The following GRAP2 variants were observed in gnomAD, a reference collection of about 807,000 sequenced individuals.
GRAP2 encodes the protein GRB2 related adaptor protein 2.
GRAP2 carries 31 observed loss-of-function variants against 43.5 expected under a neutral mutation model. The ratio of observed to expected loss-of-function variants is 0.71; its 90% CI spans 0.54 to 0.96. GRAP2 has a LOEUF of 0.96. Ranked by LOEUF, GRAP2 falls within the 40% of genes least tolerant of loss-of-function variation. The probability of loss-of-function intolerance (pLI) is 0.00; values close to 1 mark genes in which losing one functional copy is unlikely to be tolerated. For missense variants in GRAP2, 371 were observed against 424.4 expected, an observed-to-expected ratio of 0.87 and a Z score of 1.11; for synonymous variants, 156 against 164.8, an observed-to-expected ratio of 0.95 and a Z score of 0.41.
intron 3 of GRAP2, among the ~76,000 whole-genome samples, chr22:39,957,077 T>C (rs986454043): frequency 6.6e-6 from 1 of 152,194 alleles, no homozygotes; most frequent in Non-Finnish European, 1.5e-5. Context: ...GCTTCGTTTG[T>C]CTCAAGAATT....
At chr22:39,951,811 TA>T (rs1157967328) in intron 2 of GRAP2, among the ~76,000 whole-genome samples, 1 of 151,398 alleles carries the variant, frequency 6.6e-6, no homozygotes, top group Non-Finnish European at 1.5e-5. Context: ...GAATTTTTTT[TA>T]AAAAAAAACC....
rs767859717 is a variant in GRAP2 at position 39,955,957 on chromosome 22, T to C, written c.170+47T>C. ...AGATGGGCCTAGCCACACACACTCC[T>C]CTTACATTTCCAGCAGTCACTACAG... is the stretch of plus-strand genomic sequence containing the variant. On this transcript the variant is annotated intron_variant, in intron 3 of 7. Transcript: ENST00000344138. 62 of 874,888 alleles carry C rather than the reference T, an allele frequency of 7.1e-5. 1 individual carries two copies. The highest frequency in any genetic ancestry group is 1.2e-4 in the Non-Finnish European group (60 of 506,346). The allele number at this position is 874,888 out of a possible 1,614,324, so 54.2% of individuals were successfully genotyped here.
In GRAP2 at chr22:39,968,065, C is replaced by T. The variant is rs777953467; in HGVS notation, c.483C>T (p.Asp161=). The part of the protein sequence containing the change: ...EDQGHRGNSL[D]RRSQGGPHLS... ...AGGGTCACCGGGGCAACAGCCTGGA[C>T]CGGAGGTCCCAGGGAGGCCCACACC... Residue 161 remains aspartate (D), a synonymous_variant, in exon 6 of 8, where the codon GAC becomes GAT. Transcript: ENST00000344138. 1.2e-6 allele frequency: 2 copies of T among 1,612,588 alleles called. No homozygotes were observed. Among genetic ancestry groups the T allele is most frequent in the African/African-American group, 2.7e-5 (2 of 74,890 alleles).
At chr22:39,924,878 C>T (rs537000491) in intron 1 of GRAP2, among the ~76,000 whole-genome samples, 69 of 152,308 alleles carry the variant, frequency 4.5e-4, no homozygotes, top group South Asian at 1.7e-3. Flanking sequence ...AGTTAATAGT[C>T]ACCAATGAAC....
rs779409642 is a variant in GRAP2 at position 39,968,179 on chromosome 22, G to A, written c.597G>A (p.Gln199=). The change falls in exon 6 of 8, where the codon CAG becomes CAA. Residue 199 remains glutamine (Q), a synonymous_variant. Transcript: ENST00000344138. The stretch of plus-strand genomic sequence containing the variant: ...CGACCCTTCCCCTGCAGCAGCACCA[G>A]CACCAGCCACAGCCTCCGCAATATG... ...HPPTLPLQQH[Q]HQPQPPQYAP... The A allele has an allele frequency of 5.6e-6, 9 of 1,610,112 alleles. No homozygotes were observed. Among genetic ancestry groups the A allele is most frequent in the South Asian group, 1.1e-5 (1 of 90,716 alleles).
At position 39,960,178 on chromosome 22, in the gene GRAP2, C is replaced by T. The variant is rs1358117685; in HGVS notation, c.290+4C>T. The stretch of plus-strand genomic sequence containing the variant: ...GGGACTTCTCCATCTCTGTCAGGTA[C>T]TGACCATTCCTGACACTGCCTTGGC... On this transcript the variant is annotated splice_donor_region_variant and intron_variant, in intron 4 of 7. Coordinates refer to ENST00000344138, the MANE Select transcript of GRAP2 (RefSeq NM_004810.4). The T allele has an allele frequency of 1.9e-6, 3 of 1,612,448 alleles. No homozygotes were observed. The Admixed American group carries it at 5.0e-5, about 27-fold the overall frequency.
At position 39,970,991 on chromosome 22, in the gene GRAP2, C is replaced by T; in HGVS notation, c.900C>T (p.Val300=). ...LGFHSGEVVE[V]LDSSNPSWWT... ...TCCACAGCGGGGAGGTGGTGGAGGT[C>T]CTGGATAGCTCCAACCCATCCTGGT... Residue 300 remains valine (V), a synonymous_variant, in exon 8 of 8, where the codon GTC becomes GTT. Transcript: ENST00000344138. 10 of 1,613,568 alleles carry T rather than the reference C, an allele frequency of 6.2e-6. No homozygotes were observed. Among genetic ancestry groups the T allele is most frequent in the Non-Finnish European group, 8.5e-6 (10 of 1,179,702 alleles).
intron 2 of GRAP2, among the ~76,000 whole-genome samples, chr22:39,953,767 C>A (rs190653928): frequency 6.6e-6 from 1 of 152,154 alleles, no homozygotes; most frequent in African/African-American, 2.4e-5. Flanking sequence ...GCTTCCACCA[C>A]GCCTTGCTAA....
chr22:39,971,308 C>T lies in GRAP2; in HGVS notation c.*224C>T, dbSNP rs1357987360. On this transcript the variant is annotated 3_prime_UTR_variant, in exon 8 of 8. Coordinates refer to ENST00000344138, the MANE Select transcript of GRAP2 (RefSeq NM_004810.4). Reference sequence around the variant, plus strand: ...ATATTGACACTTGCTTTTCTGCCCCCCTCAGGGGTGTGTGGAAGGCAGTGG... The same window carrying T: ...ATATTGACACTTGCTTTTCTGCCCCTCTCAGGGGTGTGTGGAAGGCAGTGG... 1 of 514,708 alleles carries T rather than the reference C, an allele frequency of 1.9e-6. No homozygotes were observed. The highest frequency in any genetic ancestry group is 3.5e-5 in the East Asian group (1 of 28,414). The allele number at this position is 514,708 out of a possible 1,614,324, so 31.9% of individuals were successfully genotyped here.
At chr22:39,897,512 C>A (rs1268975015), upstream of GRAP2, among the ~76,000 whole-genome samples, 1 of 150,096 alleles carries the variant, frequency 6.7e-6, no homozygotes, top group Non-Finnish European at 1.5e-5. Flanking sequence ...ATGAAAGTAG[C>A]CTCTTTTTTT....
chr22:39,964,585 TA>T, intron 4 of GRAP2: 1 of 786,942 alleles, frequency 1.3e-6, no homozygotes, highest in Non-Finnish European at 2.3e-6. Flanking sequence ...TCCTTGTGCC[TA>T]AGGAGACGGT....
At chr22:39,938,049 G>C (rs535083567) in intron 1 of GRAP2, among the ~76,000 whole-genome samples, 12 of 152,224 alleles carry the variant, frequency 7.9e-5, no homozygotes, top group Non-Finnish European at 1.2e-4. Flanking sequence ...TAATAAATAC[G>C]CATAAGAAGA....
chr22:39,955,222 G>C (rs1311088673), intron 2 of GRAP2, among the ~76,000 whole-genome samples: 1 of 152,168 alleles, frequency 6.6e-6, no homozygotes, highest in African/African-American at 2.4e-5. Context: ...GCCAGGTGTA[G>C]TGGCGCATGC....
chr22:39,965,381 AAAAC>A (rs1261530541), intron 4 of GRAP2, among the ~76,000 whole-genome samples: 8 of 152,246 alleles, frequency 5.3e-5, no homozygotes, highest in South Asian at 2.1e-4. Flanking sequence ...TCAAAAAAAC[AAAAC>A]AAACAAACAA....
chr22:39,926,667 G>A (rs1299534996), intron 1 of GRAP2: 1 of 985,116 alleles, frequency 1.0e-6, no homozygotes, highest in South Asian at 4.7e-5. Context: ...CTCAGGAGCT[G>A]TTTGGAAAAT....
chr22:39,944,237 C>G (rs1217691437), intron 1 of GRAP2, among the ~76,000 whole-genome samples: 1 of 152,072 alleles, frequency 6.6e-6, no homozygotes, highest in Non-Finnish European at 1.5e-5. Flanking sequence ...TCCTTTTTCC[C>G]TGGTGGTAAT....
At chr22:39,943,336 A>G (rs1459338613) in intron 1 of GRAP2, among the ~76,000 whole-genome samples, 1 of 152,218 alleles carries the variant, frequency 6.6e-6, no homozygotes, top group African/African-American at 2.4e-5. Flanking sequence ...TAGTAAAAGA[A>G]GCTCACATGG....
chr22:39,951,920 A>G (rs2145645741), intron 2 of GRAP2, among the ~76,000 whole-genome samples: 2 of 152,214 alleles, frequency 1.3e-5, no homozygotes, highest in Middle Eastern at 3.4e-3. Flanking sequence ...AATGGCTGGC[A>G]TTGTGGGATA....
chr22:39,956,918 C>T (rs2063570627), intron 3 of GRAP2, among the ~76,000 whole-genome samples: 1 of 152,120 alleles, frequency 6.6e-6, no homozygotes, highest in African/African-American at 2.4e-5. Context: ...CCTCCTAATC[C>T]TAACCATCCT....
Sources: gnomAD v4.1 joint callset for allele counts (sites outside exome capture counted in the v4.1 genomes callset) on GRCh38, gnomAD v4.1.1 for gene constraint, MANE v1.5 for transcripts, NCBI Gene and HGNC (gene_info 2026-07-23, HGNC 2026-07-21) for gene names.